Variants in DVL1 observed in about 807,000 individuals in gnomAD.
DVL1 encodes the protein segment polarity protein dishevelled homolog DVL-1.
Under a neutral mutation model 65.0 loss-of-function variants are expected in DVL1, and 49 were observed. That is an observed-to-expected ratio of 0.75 (90% CI 0.60 to 0.96). DVL1 has a LOEUF of 0.96. Among genes scored for constraint, DVL1 ranks in the 40% least tolerant of loss-of-function variants. DVL1 has a pLI of 0.00. For synonymous variants in DVL1, 608 were observed against 433.9 expected (o/e 1.40, Z -4.99); for missense variants, 1,197 against 1,045.4 (o/e 1.15, Z -2.00).
rs1288757484 is a variant in DVL1 at position 1,336,435 on chromosome 1, C to T, written c.1795G>A (p.Gly599Ser). ...EKERRAAGAG[G>S]SGSESDHTAP... Reference sequence around the variant, plus strand: ...GTGTGATCCGATTCACTGCCACTGCCCCCAGCTCCCGCCGCCCGACGCTCC... The same window carrying T: ...GTGTGATCCGATTCACTGCCACTGCTCCCAGCTCCCGCCGCCCGACGCTCC... The change falls in exon 15 of 15, where the codon GGC (glycine) becomes AGC (serine). Residue 599 changes from glycine to serine, a missense_variant. Coordinates refer to ENST00000378888, the MANE Select transcript of DVL1 (RefSeq NM_001330311.2). 2 of 1,586,230 alleles carry T rather than the reference C, an allele frequency of 1.3e-6. No individual in the cohort carries two copies. Among genetic ancestry groups the T allele is most frequent in the Non-Finnish European group, 1.7e-6 (2 of 1,172,882 alleles).
intron 6 of DVL1, 21 bp downstream of exon 6, chr1:1,340,389 C>T (rs755728767): frequency 3.7e-6 from 6 of 1,612,422 alleles, no homozygotes; most frequent in Admixed American, 1.7e-5. Context: ...CAGCCCCGCC[C>T]TGCTCCACCC....
chr1:1,348,810 G>C, intron 1 of DVL1, 86 bp downstream of exon 1: 1 of 1,272,542 alleles, frequency 7.9e-7, no homozygotes, highest in Non-Finnish European at 1.0e-6. Context: ...GGCGCGAACG[G>C]CTCAGGACCC....
In DVL1 at chr1:1,336,173, T is replaced by A. The variant is rs763319960; in HGVS notation, c.2057A>T (p.Asn686Ile). 6.4e-7 allele frequency: 1 copy of A among 1,574,220 alleles called. No individual in the cohort carries two copies. Among genetic ancestry groups the A allele is most frequent in the Non-Finnish European group, 8.6e-7 (1 of 1,166,078 alleles). ...GATGTCCACGAAGAACTCGCAGGGG[T>A]TCCCCATAGCCTTCTGGAAGGACTG... The part of the protein sequence containing the change: ...SRQSFQKAMG[N>I]PCEFFVDIM The change falls in exon 15 of 15, where the codon AAC (asparagine) becomes ATC (isoleucine). Residue 686 changes from asparagine to isoleucine, a missense_variant. Transcript: ENST00000378888.
intron 14 of DVL1, chr1:1,337,657 C>T (rs1643622900): frequency 7.7e-6 from 4 of 519,854 alleles, no homozygotes; most frequent in South Asian, 5.6e-5. Flanking sequence ...TCCTGGAGGC[C>T]CCTCATCCCA....
Position 1,341,608 on chromosome 1 carries a change from T to C in DVL1, c.605+59A>G, listed in dbSNP as rs1208858137. 2.4e-5 allele frequency: 37 copies of C among 1,547,028 alleles called. 1 individual carries two copies. The highest frequency in any genetic ancestry group is 2.1e-4 in the East Asian group (9 of 43,582). ...ACCTCATGCAGACACATGCACATCA[T>C]GTACAGACATTTGCAAGTGGGCACA... On this transcript the variant is annotated intron_variant, in intron 5 of 14. Coordinates refer to ENST00000378888, the MANE Select transcript of DVL1 (RefSeq NM_001330311.2).
chr1:1,340,746 G>GCACA (rs199520509), intron 5 of DVL1, among the ~76,000 whole-genome samples: 1 of 151,804 alleles, frequency 6.6e-6, no homozygotes, highest in East Asian at 1.9e-4. Context: ...TGACACACCT[G>GCACA]CACACATGCA....
chr1:1,337,186 C>G (rs573877493), intron 14 of DVL1: 1 of 728,036 alleles, frequency 1.4e-6, no homozygotes, highest in Non-Finnish European at 1.7e-6. Flanking sequence ...AAGCGCCGGT[C>G]GAGGGTCAGT....
chr1:1,341,425 T>C (rs1159545860), intron 5 of DVL1, among the ~76,000 whole-genome samples: 2 of 152,124 alleles, frequency 1.3e-5, no homozygotes, highest in African/African-American at 2.4e-5. Context: ...ACGTGCATCA[T>C]GTACACGTTT....
At chr1:1,337,257 C>A (rs1379184124) in intron 14 of DVL1, among the ~76,000 whole-genome samples, 5 of 152,124 alleles carry the variant, frequency 3.3e-5, no homozygotes, top group Non-Finnish European at 5.9e-5. Flanking sequence ...CTCTCTCGCC[C>A]TCCTTCCTGG....
rs756990609 is a variant in DVL1, at chr1:1,336,261, GC to G, written c.1968del (p.Pro657HisfsTer17). On this transcript the variant is annotated frameshift_variant, in exon 15 of 15. Transcript: ENST00000378888. LOFTEE classifies it high-confidence loss of function. ...TCCCGGACAGGGGGTCCCCCGGGTG[GC>G]CCCCCCACCACTGTATAGGCCTTGG... ...PTTKAYTVVG[G>X]PPGGPPVREL... The G allele has an allele frequency of 2.6e-6, 4 of 1,559,684 alleles. No homozygotes were observed. Among genetic ancestry groups the G allele is most frequent in the South Asian group, 2.3e-5 (2 of 86,350 alleles).
At position 1,340,539 on chromosome 1, in the gene DVL1, G is replaced by C. The variant is rs773963286; in HGVS notation, c.606-36C>G. On this transcript the variant is annotated intron_variant, in intron 5 of 14. Transcript: ENST00000378888. Reference sequence around the variant, plus strand: ...ACTGTCAGAGCTCAGAGGAGCTGGAGACATGGGTAGGGGGGTGGGAACCCG... The same window carrying C: ...ACTGTCAGAGCTCAGAGGAGCTGGACACATGGGTAGGGGGGTGGGAACCCG... 5 of 1,565,570 alleles carry C rather than the reference G, an allele frequency of 3.2e-6. No individual in the cohort carries two copies. The African/African-American group carries it at 6.8e-5, about 21-fold the overall frequency.
chr1:1,340,257 C>G lies in DVL1; in HGVS notation c.759G>C (p.Thr253=). The part of the protein sequence containing the change: ...STMSLNIVTV[T]LNMERHHFLG... ...GCCCCGAGGCCTCACCCATGTTGAG[C>G]GTGACAGTGACGATGTTGAGGGACA... Residue 253 remains threonine, a synonymous_variant, in exon 7 of 15, where the codon ACG becomes ACC. Transcript: ENST00000378888. 1 of 1,614,002 alleles carries G rather than the reference C, an allele frequency of 6.2e-7. No homozygotes were observed. The highest frequency in any genetic ancestry group is 8.5e-7 in the Non-Finnish European group (1 of 1,180,008).
At chr1:1,337,094 G>A (rs774246818) in intron 14 of DVL1, 430 of 987,708 alleles carry the variant, frequency 4.4e-4, no homozygotes, top group Non-Finnish European at 4.9e-4. Context: ...CGAGTTACAC[G>A]CCCGGCTGCC....
intron 3 of DVL1, 40 bp from the exon 4 acceptor site, chr1:1,342,196 C>G (rs745967440): frequency 1.3e-6 from 2 of 1,525,746 alleles, no homozygotes; most frequent in Non-Finnish European, 1.8e-6. Context: ...GGCCGTGGCC[C>G]CAGCCCCTCA....
chr1:1,341,270 GCA>G (rs1643814889), intron 5 of DVL1, among the ~76,000 whole-genome samples: 1 of 151,424 alleles, frequency 6.6e-6, no homozygotes, highest in Non-Finnish European at 1.5e-5. Context: ...ACGCTCACGT[GCA>G]CACTGTGAAA....
At chr1:1,341,574 T>C in intron 5 of DVL1, 93 bp downstream of exon 5, 3 of 1,453,142 alleles carry the variant, frequency 2.1e-6, no homozygotes, top group Middle Eastern at 1.8e-4. Flanking sequence ...ACACGTGCAA[T>C]GTGAAAACAC....
chr1:1,339,191 G>A (rs1034716049), intron 11 of DVL1, 96 bp downstream of exon 11: 56 of 1,481,520 alleles, frequency 3.8e-5, no homozygotes, highest in Non-Finnish European at 4.7e-5. Context: ...ACGTGTCACA[G>A]CCCCATGACG....
rs1315493015 is a variant in DVL1 at position 1,340,140 on chromosome 1, C to G, written c.807G>C (p.Gln269His). ...TGCCGCCGTCTCCACGGTCGTTGCT[C>G]TGCCCCACGATGCTGATGCCCAGAA... ...HHFLGISIVG[Q>H]SNDRGDGGIY... The change falls in exon 8 of 15, where the codon CAG (glutamine) becomes CAC (histidine). Residue 269 changes from glutamine (Q) to histidine (H), a missense_variant. Gln to His is a conservative substitution (Grantham distance 24). Coordinates refer to ENST00000378888, the MANE Select transcript of DVL1 (RefSeq NM_001330311.2). 1 of 1,613,748 alleles carries G rather than the reference C, an allele frequency of 6.2e-7. No homozygotes were observed. The highest frequency in any genetic ancestry group is 8.5e-7 in the Non-Finnish European group (1 of 1,180,008).
chr1:1,339,179 A>G, intron 11 of DVL1, 108 bp downstream of exon 11: 5 of 1,427,086 alleles, frequency 3.5e-6, no homozygotes, highest in African/African-American at 1.4e-5. Context: ...CAGGCAACAC[A>G]CACGTGTCAC....
Sources: gnomAD v4.1 joint callset for allele counts (sites outside exome capture counted in the v4.1 genomes callset) on GRCh38, gnomAD v4.1.1 for gene constraint, MANE v1.5 for transcripts, NCBI Gene and HGNC (gene_info 2026-07-23, HGNC 2026-07-21) for gene names.